Variants in PTBP3 observed in about 807,000 individuals in gnomAD.
The protein encoded by PTBP3 is polypyrimidine tract-binding protein 3.
In PTBP3, 20 loss-of-function variants were observed where a neutral mutation model predicts 58.7. That is an observed-to-expected ratio of 0.34 (90% CI 0.24 to 0.50). The LOEUF (loss-of-function observed/expected upper bound fraction) is 0.50, where lower values mean the gene tolerates loss of function less well. PTBP3 is among the 20% of genes least tolerant of loss of function. The pLI is 0.98. For missense variants in PTBP3, 509 were observed against 637.2 expected (o/e 0.80, Z 2.17); for synonymous variants, 185 against 219.8 (o/e 0.84, Z 1.40).
At position 112,222,940 on chromosome 9, in the gene PTBP3, T is replaced by C; in HGVS notation, c.*911A>G. On this transcript the variant is annotated 3_prime_UTR_variant, in exon 14 of 14. Transcript: ENST00000374257. ...CTTTTAAAAAATCTGTCAAACCATA[T>C]GATAGACCTGAATATTTTCCTTAAG... 1.2e-6 allele frequency: 1 copy of C among 858,692 alleles called. No individual in the cohort carries two copies. The highest frequency in any genetic ancestry group is 1.4e-6 in the Non-Finnish European group (1 of 714,326). The allele number at this position is 858,692 out of a possible 1,614,324, so 53.2% of individuals were successfully genotyped here. A position where few individuals can be genotyped will look rare whatever the true frequency, so the allele number is the denominator to read the frequency against.
At chr9:112,288,376 G>A (rs895271926) in intron 2 of PTBP3, among the ~76,000 whole-genome samples, 3 of 152,056 alleles carry the variant, frequency 2.0e-5, no homozygotes, top group African/African-American at 7.2e-5. Flanking sequence ...CAGATTCAAA[G>A]GTATTATTTC....
At chr9:112,290,703 T>TACACACACACACACACACAC (rs1441556582) in intron 2 of PTBP3, among the ~76,000 whole-genome samples, 5 of 64,588 alleles carry the variant, frequency 7.7e-5, no homozygotes, top group African/African-American at 4.4e-4. Flanking sequence ...TATATATATA[T>TACACACACACACACACACAC]ATATACACAC....
At chr9:112,237,132 C>T (rs2132007571) in intron 7 of PTBP3, among the ~76,000 whole-genome samples, 1 of 152,190 alleles carries the variant, frequency 6.6e-6, no homozygotes, top group South Asian at 2.1e-4. Context: ...AAAGGACTGG[C>T]AAACAATCAT....
chr9:112,348,814 C>G, the PTBP3 span, among the ~76,000 whole-genome samples: 1 of 152,116 alleles, frequency 6.6e-6, no homozygotes, highest in East Asian at 1.9e-4. Flanking sequence ...GATCCGCTAA[C>G]AATACCACCC....
intron 5 of PTBP3, among the ~76,000 whole-genome samples, chr9:112,261,430 A>C (rs1836590362): frequency 6.6e-6 from 1 of 152,190 alleles, no homozygotes; most frequent in Non-Finnish European, 1.5e-5. Flanking sequence ...TAAGGGCCCT[A>C]GCTTCTTTAT....
intron 3 of PTBP3, among the ~76,000 whole-genome samples, chr9:112,269,979 C>T (rs978262662): frequency 6.0e-5 from 9 of 149,308 alleles, no homozygotes; most frequent in Non-Finnish European, 1.0e-4. Flanking sequence ...CAGTCTCACT[C>T]TGTCACCCAG....
rs1175223796 is a variant in PTBP3, at chr9:112,333,591, C to A, written c.-173G>T. On this transcript the variant is annotated 5_prime_UTR_variant, in exon 1 of 14. Coordinates refer to ENST00000374257, the MANE Select transcript of PTBP3 (RefSeq NM_001163788.4). ...ACAAGCGAGCTTTGGCTCTGCGGAG[C>A]CCCGGCCGGTCCGAGGTGGAAGGAG... 1.1e-5 allele frequency: 15 copies of A among 1,332,034 alleles called. No individual in the cohort carries two copies. In the African/African-American group the frequency reaches 2.1e-4, roughly 19 times the overall value. The allele number at this position is 1,332,034 out of a possible 1,614,324, so 82.5% of individuals were successfully genotyped here.
Position 112,221,577 on chromosome 9 carries a change from AAAG to A in PTBP3, c.*2271_*2273del, listed in dbSNP as rs1176440736. On this transcript the variant is annotated 3_prime_UTR_variant, in exon 14 of 14. Transcript: ENST00000374257. ...AAAAGCAAGTTTTGGGAGATTTTGC[AAAG>A]AAATTTTTTTCCTCCTTCATATACC... 4.1e-6 allele frequency: 4 copies of A among 985,482 alleles called. No homozygotes were observed. The highest frequency in any genetic ancestry group is 4.8e-6 in the Non-Finnish European group (4 of 829,916). The allele number at this position is 985,482 out of a possible 1,614,324, so 61.0% of individuals were successfully genotyped here.
At chr9:112,293,263 TG>T (rs1482009779) in intron 2 of PTBP3, among the ~76,000 whole-genome samples, 1 of 152,218 alleles carries the variant, frequency 6.6e-6, no homozygotes, top group Non-Finnish European at 1.5e-5. Context: ...GAAGGATTCC[TG>T]TGAGTATTAG....
intron 3 of PTBP3, among the ~76,000 whole-genome samples, chr9:112,272,293 G>A (rs564800057): frequency 6.6e-6 from 1 of 152,194 alleles, no homozygotes; most frequent in South Asian, 2.1e-4. Flanking sequence ...TTGAACTCCT[G>A]AGCTCAAGTA....
chr9:112,233,378 T>C (rs1835321482), intron 8 of PTBP3, among the ~76,000 whole-genome samples: 2 of 151,426 alleles, frequency 1.3e-5, no homozygotes. Context: ...CTTTTCATCT[T>C]TCTTAATATT....
intron 1 of PTBP3, among the ~76,000 whole-genome samples, chr9:112,324,216 C>G (rs1418581837): frequency 6.6e-6 from 1 of 151,658 alleles, no homozygotes; most frequent in East Asian, 1.9e-4. Context: ...AACACAAAAC[C>G]AAGAGAATTC....
chr9:112,229,239 T>C (rs778456803), intron 10 of PTBP3, among the ~76,000 whole-genome samples: 1 of 152,204 alleles, frequency 6.6e-6, no homozygotes, highest in East Asian at 1.9e-4. Context: ...TTTCAGTTTA[T>C]GTGCTACAGA....
chr9:112,225,674 GAATATT>G (rs1834959168), intron 12 of PTBP3, among the ~76,000 whole-genome samples: 1 of 152,182 alleles, frequency 6.6e-6, no homozygotes, highest in Admixed American at 6.5e-5. Flanking sequence ...GAACTTGGAA[GAATATT>G]AATATCCTTT....
intron 1 of PTBP3, among the ~76,000 whole-genome samples, chr9:112,302,394 C>A (rs1285592633): frequency 2.3e-5 from 1 of 43,052 alleles, no homozygotes; most frequent in African/African-American, 1.7e-4. Flanking sequence ...AAACAAGTTA[C>A]CTGCTGTGAG....
In PTBP3 at chr9:112,275,848, C is replaced by A. The variant is rs1313469995; in HGVS notation, c.200G>T (p.Ser67Ile). The A allele has an allele frequency of 6.2e-7, 1 of 1,608,422 alleles. No homozygotes were observed. The highest frequency in any genetic ancestry group is 1.7e-5 in the Admixed American group (1 of 59,848). Residue 67 changes from serine (S) to isoleucine (I), a missense_variant, in exon 3 of 14, where the codon AGC becomes ATC. By Grantham distance (142) the Ser-to-Ile change is moderately radical. This residue lies in a region of PTBP3 where 212 missense variants were observed against 215.3 expected (regional missense o/e 0.98). Transcript: ENST00000374257. ...CAATCTTTAAATATTACATACCTGG[C>A]TTTTTCCTTTCAACATCAAAAGATT... is the stretch of plus-strand genomic sequence containing the variant. The part of the protein sequence containing the change: ...VTNLLMLKGK[S>I]QAFLEMASEE...
intron 1 of PTBP3, among the ~76,000 whole-genome samples, chr9:112,327,596 C>G (rs1830210375): frequency 6.6e-6 from 1 of 151,996 alleles, no homozygotes; most frequent in Non-Finnish European, 1.5e-5. Flanking sequence ...ACAAATTTTT[C>G]ATGAAAGTAG....
chr9:112,280,755 G>T (rs1384127360), intron 2 of PTBP3, among the ~76,000 whole-genome samples: 1 of 107,646 alleles, frequency 9.3e-6, no homozygotes, highest in Non-Finnish European at 1.8e-5. Flanking sequence ...ATACGTGTGT[G>T]TCTGTGTGTG....
At chr9:112,305,004 A>G (rs1219101346) in intron 1 of PTBP3, among the ~76,000 whole-genome samples, 2 of 152,224 alleles carry the variant, frequency 1.3e-5, no homozygotes, top group Non-Finnish European at 2.9e-5. Context: ...ATAAAACTAC[A>G]AGAAATCTCA....
Sources: allele counts gnomAD v4.1 joint callset (sites outside exome capture counted in the v4.1 genomes callset), GRCh38; gene constraint gnomAD v4.1.1; regional missense constraint gnomAD v4.1.1; transcripts MANE v1.5; gene names NCBI Gene and HGNC (gene_info 2026-07-23, HGNC 2026-07-21).